Variants in PLPPR5 observed in about 807,000 individuals in gnomAD.
PLPPR5 encodes the protein phospholipid phosphatase related 5.
In PLPPR5, 16 loss-of-function variants were observed where a neutral mutation model predicts 33.9. The observed-to-expected ratio is 0.47, with a 90% confidence interval of 0.32 to 0.72. PLPPR5 has a LOEUF of 0.72. Ranked by LOEUF, PLPPR5 falls within the 30% of genes least tolerant of loss-of-function variation. PLPPR5 has a pLI of 0.03. For missense variants in PLPPR5, 301 were observed against 406.7 expected (o/e 0.74, Z 2.23); for synonymous variants, 163 against 150.3 (o/e 1.08, Z -0.62).
upstream of PLPPR5, among the ~76,000 whole-genome samples, chr1:99,005,712 A>G (rs942196969): frequency 6.6e-6 from 1 of 152,150 alleles, no homozygotes; most frequent in Non-Finnish European, 1.5e-5. Context: ...CCTGAATTCC[A>G]GGGAACTGCA....
At chr1:98,938,415 C>T (rs309055) in intron 3 of PLPPR5, among the ~76,000 whole-genome samples, 131,506 of 143,526 alleles carry the variant, frequency 0.92, 60,300 homozygotes, top group East Asian at 1. Flanking sequence ...AGGGCAAGAT[C>T]GTCTCAAAAA....
rs116436280 is a variant in PLPPR5, at chr1:98,948,863, T to G, written c.621+4207A>C. Among the ~76,000 whole-genome samples the G allele has an allele frequency of 4.9e-3, 744 of 152,258 alleles. 2 individuals carry two copies. The highest frequency in any genetic ancestry group is 9.1e-3 in the African/African-American group (378 of 41,560). Reference sequence around the variant, plus strand: ...CCTACGTATCCTGACAGTAACAGATTGTTGTTGTTTTAAGGTCTAGGGTGG... The same window carrying G: ...CCTACGTATCCTGACAGTAACAGATGGTTGTTGTTTTAAGGTCTAGGGTGG... On this transcript the variant is annotated intron_variant, in intron 3 of 5. Coordinates refer to ENST00000263177, the MANE Select transcript of PLPPR5 (RefSeq NM_001037317.2).
intron 3 of PLPPR5, among the ~76,000 whole-genome samples, chr1:98,934,752 T>C (rs1650114580): frequency 6.6e-6 from 1 of 152,124 alleles, no homozygotes; most frequent in Non-Finnish European, 1.5e-5. Context: ...ACTCTTTCCC[T>C]CAAGCAAAAT....
intron 1 of PLPPR5, among the ~76,000 whole-genome samples, chr1:98,998,573 T>C (rs993721757): frequency 3.3e-5 from 5 of 152,180 alleles, no homozygotes; most frequent in African/African-American, 1.2e-4. Flanking sequence ...ATAAAAGGTT[T>C]GAGAAAATTT....
At chr1:98,927,989 T>C (rs1649828264) in intron 3 of PLPPR5, among the ~76,000 whole-genome samples, 1 of 152,128 alleles carries the variant, frequency 6.6e-6, no homozygotes, top group Admixed American at 6.5e-5. Context: ...GCTTTTGATA[T>C]GTAAAGCTGT....
At chr1:98,934,951 A>C (rs72730333) in intron 3 of PLPPR5, among the ~76,000 whole-genome samples, 25,685 of 151,924 alleles carry the variant, frequency 0.17, 2,509 homozygotes, top group Non-Finnish European at 0.22. Flanking sequence ...CATAGAATTA[A>C]AAAAAAATAA....
intron 1 of PLPPR5, among the ~76,000 whole-genome samples, chr1:99,004,025 G>A (rs796875125): frequency 2.0e-5 from 3 of 152,130 alleles, no homozygotes; most frequent in Admixed American, 6.5e-5. Context: ...TCTCCTCGCC[G>A]GCCCGCCCGC....
rs745448777 is a variant in PLPPR5, at chr1:98,914,888, T to C, written c.831A>G (p.Arg277=). 6 of 1,612,318 alleles carry C rather than the reference T, an allele frequency of 3.7e-6. No individual in the cohort carries two copies. The South Asian group carries it at 6.6e-5, about 18-fold the overall frequency. The change falls in exon 5 of 6, where the codon AGA becomes AGG. Residue 277 remains arginine, a synonymous_variant. Transcript: ENST00000263177. ...VVCVVNNFKG[R]QAENEHIHMD... Reference sequence around the variant, plus strand: ...TGTGTATATGCTCATTTTCTGCTTGTCTCCCTTTGAAATTATTCACCACGC... The same window carrying C: ...TGTGTATATGCTCATTTTCTGCTTGCCTCCCTTTGAAATTATTCACCACGC...
chr1:98,984,855 A>T (rs1652197519), intron 1 of PLPPR5, among the ~76,000 whole-genome samples: 1 of 152,000 alleles, frequency 6.6e-6, no homozygotes, highest in African/African-American at 2.4e-5. Context: ...ATTTGTTAAT[A>T]GGTTCCACCC....
intron 1 of PLPPR5, chr1:99,004,143 G>C (rs1652971746): frequency 2.2e-6 from 1 of 445,328 alleles, no homozygotes; most frequent in Non-Finnish European, 4.0e-6. Context: ...TTTGCAACCC[G>C]GATCCCCACT....
At chr1:98,940,254 T>G (rs1355533885) in intron 3 of PLPPR5, among the ~76,000 whole-genome samples, 1 of 151,790 alleles carries the variant, frequency 6.6e-6, no homozygotes, top group African/African-American at 2.4e-5. Flanking sequence ...CTATGTGGCT[T>G]GCAGATGCTG....
intron 1 of PLPPR5, among the ~76,000 whole-genome samples, chr1:98,982,595 C>G (rs1287565843): frequency 1.3e-5 from 2 of 152,064 alleles, no homozygotes; most frequent in African/African-American, 4.8e-5. Context: ...CTGCCTAGCT[C>G]GTTGGAACAC....
rs958500806 is a variant in PLPPR5, at chr1:98,892,209, T to A, written c.*863A>T. 8 of 152,244 alleles carry A rather than the reference T, an allele frequency of 5.3e-5. No homozygotes were observed. Among genetic ancestry groups the A allele is most frequent in the African/African-American group, 1.9e-4 (8 of 41,432 alleles). The allele number at this position is 152,244 out of a possible 1,614,324, so 9.4% of individuals were successfully genotyped here. The stretch of plus-strand genomic sequence containing the variant: ...TGGAATCTTTAGTAGTAAAAAAGCC[T>A]AAGAGTGGAGCTTTTGACCACTCTT... On this transcript the variant is annotated 3_prime_UTR_variant, in exon 6 of 6. Coordinates refer to ENST00000263177, the MANE Select transcript of PLPPR5 (RefSeq NM_001037317.2).
intron 5 of PLPPR5, among the ~76,000 whole-genome samples, chr1:98,902,508 G>T (rs1203785986): frequency 6.6e-6 from 1 of 151,990 alleles, no homozygotes; most frequent in Non-Finnish European, 1.5e-5. Context: ...AAAATAAACT[G>T]CTTGTTTCAT....
At chr1:98,914,241 A>G (rs1649257086) in intron 5 of PLPPR5, among the ~76,000 whole-genome samples, 1 of 152,206 alleles carries the variant, frequency 6.6e-6, no homozygotes, top group Non-Finnish European at 1.5e-5. Flanking sequence ...TACTAAATGG[A>G]TTTCACACAC....
At chr1:99,004,174 C>T in intron 1 of PLPPR5, 1 of 522,926 alleles carries the variant, frequency 1.9e-6, no homozygotes, top group South Asian at 2.7e-5. Flanking sequence ...TACGGCCCCT[C>T]TTCCCTTCCA....
At chr1:98,992,460 T>A (rs1557696162) in intron 1 of PLPPR5, among the ~76,000 whole-genome samples, 1 of 152,168 alleles carries the variant, frequency 6.6e-6, no homozygotes. Context: ...GCAATAGATA[T>A]TCTATATGTT....
chr1:98,977,421 T>C (rs1557690778), intron 1 of PLPPR5, among the ~76,000 whole-genome samples: 1 of 151,510 alleles, frequency 6.6e-6, no homozygotes, highest in Non-Finnish European at 1.5e-5. Flanking sequence ...CCTTATTTTT[T>C]TCTCCCATCT....
At chr1:98,895,475 T>G (rs1006975020) in intron 5 of PLPPR5, among the ~76,000 whole-genome samples, 24 of 152,012 alleles carry the variant, frequency 1.6e-4, no homozygotes, top group African/African-American at 5.8e-4. Flanking sequence ...TAATTGTAGG[T>G]GAGCTATTGA....
Sources: gnomAD v4.1 joint callset for allele counts (sites outside exome capture counted in the v4.1 genomes callset) on GRCh38, gnomAD v4.1.1 for gene constraint, MANE v1.5 for transcripts, NCBI Gene and HGNC (gene_info 2026-07-23, HGNC 2026-07-21) for gene names.